Variants in STPG2 observed in about 807,000 individuals in gnomAD.
STPG2 encodes sperm tail PG-rich repeat containing 2.
A neutral mutation model predicts 54.2 loss-of-function variants in STPG2; 56 were observed. The ratio of observed to expected loss-of-function variants is 1.03; its 90% confidence interval spans 0.83 to 1.29. The LOEUF is 1.29. Among genes scored for constraint, STPG2 ranks in the 50% most tolerant of loss-of-function variants. The pLI is 0.00. For missense variants in STPG2, 596 were observed against 544.9 expected, an observed-to-expected ratio of 1.09 and a Z score of -0.93; for synonymous variants, 200 against 181.8, an observed-to-expected ratio of 1.10 and a Z score of -0.81.
chr4:97,456,669 G>C (rs981401747), intron 4 of STPG2, among the ~76,000 whole-genome samples: 3 of 152,066 alleles, frequency 2.0e-5, no homozygotes, highest in Non-Finnish European at 4.4e-5. Context: ...GCTGAGGCGG[G>C]TGGATCACGG....
At chr4:98,094,265 C>T (rs1018926926) in intron 5 of STPG2, among the ~76,000 whole-genome samples, 17 of 152,176 alleles carry the variant, frequency 1.1e-4, no homozygotes, top group African/African-American at 3.4e-4. Flanking sequence ...TAGACACACC[C>T]TGGGCCAAAA....
intron 7 of STPG2, among the ~76,000 whole-genome samples, chr4:97,946,107 T>C (rs1733208061): frequency 6.6e-6 from 1 of 152,140 alleles, no homozygotes; most frequent in Admixed American, 6.6e-5. Context: ...AGTGAGGTGG[T>C]ATCTCATTGC....
At chr4:97,721,403 A>G (rs1724444217) in intron 9 of STPG2, among the ~76,000 whole-genome samples, 1 of 152,152 alleles carries the variant, frequency 6.6e-6, no homozygotes, top group Non-Finnish European at 1.5e-5. Context: ...ATTCACTTAC[A>G]GTGCAACAAT....
At chr4:98,094,375 T>C (rs1738782807) in intron 5 of STPG2, among the ~76,000 whole-genome samples, 1 of 152,126 alleles carries the variant, frequency 6.6e-6, no homozygotes, top group African/African-American at 2.4e-5. Flanking sequence ...GGAGTTTGCC[T>C]TGTGCCTTGG....
intron 10 of STPG2, among the ~76,000 whole-genome samples, chr4:97,588,369 T>C (rs1456400010): frequency 1.3e-5 from 2 of 152,110 alleles, no homozygotes; most frequent in Non-Finnish European, 1.5e-5. Flanking sequence ...TGTATTTTGC[T>C]TAATTTATGA....
At chr4:97,562,815 T>C (rs1732295535) in intron 10 of STPG2, among the ~76,000 whole-genome samples, 2 of 152,160 alleles carry the variant, frequency 1.3e-5, no homozygotes, top group Admixed American at 6.5e-5. Flanking sequence ...GTGGATAAGC[T>C]TTGTGATGTG....
At chr4:97,965,409 C>T (rs922630065) in intron 7 of STPG2, among the ~76,000 whole-genome samples, 2 of 152,180 alleles carry the variant, frequency 1.3e-5, no homozygotes, top group African/African-American at 4.8e-5. Flanking sequence ...CTTTGGTGGG[C>T]AGGGCATAGT....
chr4:97,521,455 C>T (rs1042132873), intron 4 of STPG2, among the ~76,000 whole-genome samples: 1 of 151,916 alleles, frequency 6.6e-6, no homozygotes, highest in Non-Finnish European at 1.5e-5. Context: ...CCCAGAGCAG[C>T]GCACCACTGT....
chr4:97,839,991 C>A (rs890896371), intron 9 of STPG2, among the ~76,000 whole-genome samples: 28 of 151,178 alleles, frequency 1.9e-4, no homozygotes, highest in Non-Finnish European at 3.3e-4. Flanking sequence ...TCTAGTTTTC[C>A]TGTGTAAAAT....
chr4:97,573,017 T>C (rs1354520193), intron 10 of STPG2, among the ~76,000 whole-genome samples: 2 of 152,118 alleles, frequency 1.3e-5, no homozygotes, highest in Non-Finnish European at 2.9e-5. Flanking sequence ...TAATTTGTAG[T>C]TGTTAAGACA....
At chr4:97,806,794 C>G (rs1727582234) in intron 9 of STPG2, among the ~76,000 whole-genome samples, 1 of 152,120 alleles carries the variant, frequency 6.6e-6, no homozygotes, top group African/African-American at 2.4e-5. Flanking sequence ...TCTTTATGCT[C>G]TTCTTAAGAC....
intron 4 of STPG2, among the ~76,000 whole-genome samples, chr4:97,501,429 G>A (rs144494247): frequency 1.6e-4 from 24 of 152,162 alleles, no homozygotes; most frequent in African/African-American, 5.8e-4. Context: ...ATTATATATG[G>A]CAGGGCACAG....
At chr4:97,790,323 T>A (rs1039823074) in intron 9 of STPG2, among the ~76,000 whole-genome samples, 1 of 152,206 alleles carries the variant, frequency 6.6e-6, no homozygotes, top group Non-Finnish European at 1.5e-5. Flanking sequence ...CTATTGATGC[T>A]GTAAGAAATT....
chr4:97,948,531 G>C (rs565439011), intron 7 of STPG2, among the ~76,000 whole-genome samples: 1 of 152,070 alleles, frequency 6.6e-6, no homozygotes, highest in African/African-American at 2.4e-5. Flanking sequence ...TGGTCTTTCA[G>C]GCTCTGATGT....
At chr4:97,650,209 C>T (rs376552808) in intron 10 of STPG2, among the ~76,000 whole-genome samples, 1 of 152,128 alleles carries the variant, frequency 6.6e-6, no homozygotes, top group Non-Finnish European at 1.5e-5. Context: ...CTGCCACATA[C>T]CTCCTGCTAT....
chr4:98,119,783 C>G (rs1578179637), intron 3 of STPG2, among the ~76,000 whole-genome samples: 1 of 152,178 alleles, frequency 6.6e-6, no homozygotes, highest in Non-Finnish European at 1.5e-5. Context: ...TGTTCCCCTC[C>G]TTGTGCCCAT....
chr4:97,702,274 C>G (rs1038554026), intron 10 of STPG2, among the ~76,000 whole-genome samples: 6 of 152,196 alleles, frequency 3.9e-5, no homozygotes, highest in Admixed American at 3.9e-4. Context: ...AGAGTCCCCA[C>G]TTAGTGGGCC....
At chr4:97,535,060 TA>T (rs1731497783) in intron 4 of STPG2, among the ~76,000 whole-genome samples, 1 of 152,316 alleles carries the variant, frequency 6.6e-6, no homozygotes, top group Non-Finnish European at 1.5e-5. Flanking sequence ...TTTGAGAAAT[TA>T]TGAACAACAT....
chr4:97,537,958 C>T (rs1731579353), intron 4 of STPG2, among the ~76,000 whole-genome samples: 1 of 152,180 alleles, frequency 6.6e-6, no homozygotes, highest in African/African-American at 2.4e-5. Context: ...CTCCAGCAAA[C>T]TCCAACAGAC....
Sources: allele counts gnomAD v4.1 joint callset (sites outside exome capture counted in the v4.1 genomes callset), GRCh38; gene constraint gnomAD v4.1.1; transcripts MANE v1.5; gene names NCBI Gene and HGNC (gene_info 2026-07-23, HGNC 2026-07-21).